FRK: variants seen among roughly 807,000 people sequenced by gnomAD.
FRK encodes the protein tyrosine-protein kinase FRK.
FRK carries 51 observed loss-of-function variants against 56.4 expected under a neutral mutation model. The observed-to-expected ratio is 0.90, with a 90% CI of 0.72 to 1.14. The LOEUF is 1.14. Ranked by LOEUF, FRK falls within the 50% of genes most tolerant of loss-of-function variation. FRK has a pLI of 0.00. For missense variants in FRK, 570 were observed against 601.4 expected (o/e 0.95, Z 0.55); for synonymous variants, 245 against 217.9 (o/e 1.12, Z -1.10).
At chr6:116,002,620 T>C (rs1351563119) in intron 2 of FRK, 10 of 431,244 alleles carry the variant, frequency 2.3e-5, no homozygotes, top group African/African-American at 2.0e-4. Flanking sequence ...AACAAAAAAA[T>C]GGTAATTGAC....
At chr6:115,958,707 GAAA>G (rs59473463) in intron 4 of FRK, among the ~76,000 whole-genome samples, 437 of 6,764 alleles carry the variant, frequency 0.065, 45 homozygotes, top group African/African-American at 0.17. Flanking sequence ...AAAGAAAGAA[GAAA>G]GAAAGAAAGA....
intron 4 of FRK, among the ~76,000 whole-genome samples, chr6:115,966,408 G>A (rs1481530232): frequency 6.6e-6 from 1 of 152,218 alleles, no homozygotes; most frequent in Non-Finnish European, 1.5e-5. Context: ...CTTCAAGGTA[G>A]CAGCTTGTAC....
chr6:115,946,835 AT>A lies in FRK; in HGVS notation c.959-2411del, dbSNP rs532043720. ...AAACAGAAAATGCCATCATAGTCAA[AT>A]TCTACAAGTAAGTCCATGAAGAAAA... On this transcript the variant is annotated intron_variant, in intron 5 of 7. Coordinates refer to ENST00000606080, the MANE Select transcript of FRK (RefSeq NM_002031.3). 2.8e-3 allele frequency among the ~76,000 whole-genome samples: 429 copies of A among 152,314 alleles called. 4 individuals are homozygous for A. Among genetic ancestry groups the A allele is most frequent in the African/African-American group, 9.9e-3 (412 of 41,568 alleles).
intron 1 of FRK, among the ~76,000 whole-genome samples, chr6:116,016,648 T>C (rs1775666855): frequency 1.3e-5 from 2 of 152,078 alleles, no homozygotes; most frequent in South Asian, 2.1e-4. Flanking sequence ...ATGAAGCAGG[T>C]GCCCCCAGGG....
At chr6:115,977,347 A>G (rs1200911023) in intron 2 of FRK, among the ~76,000 whole-genome samples, 1 of 152,142 alleles carries the variant, frequency 6.6e-6, no homozygotes, top group East Asian at 1.9e-4. Flanking sequence ...TTTCCTGGGG[A>G]AAAATATCCA....
At chr6:115,958,712 A>AAAGAAAGAAGGAAGG (rs1562257489) in intron 4 of FRK, among the ~76,000 whole-genome samples, 6 of 16,520 alleles carry the variant, frequency 3.6e-4, no homozygotes, top group African/African-American at 1.2e-3. Flanking sequence ...AAGAAGAAAG[A>AAAGAAAGAAGGAAGG]AAGAAAGAAA....
chr6:115,942,640 A>G lies in FRK; in HGVS notation c.1307-15T>C. On this transcript the variant is annotated splice_polypyrimidine_tract_variant and intron_variant, in intron 7 of 7. Coordinates refer to ENST00000606080, the MANE Select transcript of FRK (RefSeq NM_002031.3). ...ACCTGTCATACCTTGAAAATACAGA[A>G]CGAAACCAACAACAACAAAAAAAAC... 1 of 1,598,434 alleles carries G rather than the reference A, an allele frequency of 6.3e-7. No homozygotes were observed. The highest frequency in any genetic ancestry group is 8.6e-7 in the Non-Finnish European group (1 of 1,166,964).
chr6:116,008,597 A>G lies in FRK; in HGVS notation c.345-4599T>C, dbSNP rs143022984. Among the ~76,000 whole-genome samples, 977 of 152,308 alleles carry G rather than the reference A, an allele frequency of 6.4e-3. 8 individuals carry two copies. Among genetic ancestry groups the G allele is most frequent in the Middle Eastern group, 0.027 (8 of 294 alleles). ...TGATGGATAAACAATAGCTTGTTCT[A>G]CCCTTTGCATGTGTGAAAACTGTTT... On this transcript the variant is annotated intron_variant, in intron 1 of 7. Coordinates refer to ENST00000606080, the MANE Select transcript of FRK (RefSeq NM_002031.3).
intron 1 of FRK, among the ~76,000 whole-genome samples, chr6:116,059,001 C>A (rs1777508602): frequency 6.6e-6 from 1 of 152,024 alleles, no homozygotes; most frequent in Non-Finnish European, 1.5e-5. Flanking sequence ...GAGATCAGGG[C>A]CAATGACAGT....
the FRK span, among the ~76,000 whole-genome samples, chr6:116,093,136 G>C: frequency 6.6e-6 from 1 of 152,102 alleles, no homozygotes; most frequent in Non-Finnish European, 1.5e-5. Flanking sequence ...CCCACAGGAG[G>C]ACCTCTCAGC....
rs1387866458 is a variant in FRK at position 115,968,689 on chromosome 6, C to T, written c.517G>A (p.Gly173Arg). 2 of 1,613,876 alleles carry T rather than the reference C, an allele frequency of 1.2e-6. No homozygotes were observed. The highest frequency in any genetic ancestry group is 1.3e-5 in the African/African-American group (1 of 75,018). ...KHYRIKRLDEGGFFLTRRRIF... is the reference protein window; with the variant it reads ...KHYRIKRLDERGFFLTRRRIF... ...CTTCTTCGCGTGAGAAAAAATCCCC[C>T]TTCATCCAGTCTTTTAATTCTGTAG... The change falls in exon 3 of 8, where the codon GGG becomes AGG. Residue 173 changes from glycine (G) to arginine (R), a missense_variant. Coordinates refer to ENST00000606080, the MANE Select transcript of FRK (RefSeq NM_002031.3).
intron 1 of FRK, among the ~76,000 whole-genome samples, chr6:116,059,419 A>G (rs998113516): frequency 2.0e-4 from 30 of 152,120 alleles, no homozygotes; most frequent in Admixed American, 2.6e-4. Flanking sequence ...AAAAAAATCT[A>G]TATCATGATG....
chr6:116,094,096 G>A, the FRK span, among the ~76,000 whole-genome samples: 1 of 152,204 alleles, frequency 6.6e-6, no homozygotes. Context: ...ACCCAGTAGG[G>A]CTTGTTACAA....
intron 1 of FRK, among the ~76,000 whole-genome samples, chr6:116,055,261 T>C (rs2114826240): frequency 6.6e-6 from 1 of 152,312 alleles, no homozygotes; most frequent in South Asian, 2.1e-4. Context: ...ATGGCCTAAA[T>C]ACATGGAGAA....
intron 1 of FRK, among the ~76,000 whole-genome samples, chr6:116,030,136 T>G (rs1434974787): frequency 6.6e-6 from 1 of 152,104 alleles, no homozygotes; most frequent in African/African-American, 2.4e-5. Context: ...GGTGTTTTCC[T>G]GGCCTCATAG....
chr6:116,062,266 T>C (rs1279383692), upstream of FRK, among the ~76,000 whole-genome samples: 1 of 152,102 alleles, frequency 6.6e-6, no homozygotes, highest in East Asian at 1.9e-4. Context: ...TGTTTTATAA[T>C]GATATGAGAC....
the FRK span, among the ~76,000 whole-genome samples, chr6:116,066,538 C>A: frequency 7.2e-5 from 11 of 152,106 alleles, no homozygotes; most frequent in Non-Finnish European, 1.6e-4. Context: ...CCAAAATAAT[C>A]TTTGTATAAT....
At chr6:115,958,998 C>A (rs1027167155) in intron 4 of FRK, among the ~76,000 whole-genome samples, 1 of 152,170 alleles carries the variant, frequency 6.6e-6, no homozygotes, top group Non-Finnish European at 1.5e-5. Context: ...GAAGCCTCTG[C>A]AGGTGAAGAC....
At chr6:116,037,295 G>C (rs1213345140) in intron 1 of FRK, among the ~76,000 whole-genome samples, 1 of 152,098 alleles carries the variant, frequency 6.6e-6, no homozygotes, top group Non-Finnish European at 1.5e-5. Flanking sequence ...ACAGGTGTTC[G>C]TATTTTTGTG....
Sources: allele counts gnomAD v4.1 joint callset (sites outside exome capture counted in the v4.1 genomes callset), GRCh38; gene constraint gnomAD v4.1.1; transcripts MANE v1.5; gene names NCBI Gene and HGNC (gene_info 2026-07-23, HGNC 2026-07-21).